The following DIS3L2 variants were observed in gnomAD, a reference collection of about 807,000 sequenced individuals.
The protein encoded by DIS3L2 is DIS3 like 3'-5' exoribonuclease 2.
DIS3L2 carries 34 observed loss-of-function variants against 97.5 expected under a neutral mutation model. That is an observed-to-expected ratio of 0.35 (90% CI 0.27 to 0.46). The LOEUF is 0.46. DIS3L2 is among the 20% of genes least tolerant of loss of function. The pLI is 1.00. For missense variants in DIS3L2, 1,038 were observed against 1,146.0 expected (o/e 0.91, Z 1.36); for synonymous variants, 435 against 445.2 (o/e 0.98, Z 0.29).
chr2:232,313,367 GA>G (rs1384572881), intron 14 of DIS3L2, among the ~76,000 whole-genome samples: 4 of 152,156 alleles, frequency 2.6e-5, no homozygotes, highest in Non-Finnish European at 5.9e-5. Flanking sequence ...AAATGAAAAG[GA>G]ACTAATGTTT....
chr2:232,065,367 TGTCCA>T (rs1695825822), intron 5 of DIS3L2, among the ~76,000 whole-genome samples: 1 of 152,080 alleles, frequency 6.6e-6, no homozygotes, highest in South Asian at 2.1e-4. Context: ...TTTGGTCTAT[TGTCCA>T]TTTCAAGTTA....
chr2:232,141,991 A>C (rs953386442), intron 8 of DIS3L2, among the ~76,000 whole-genome samples: 2 of 152,216 alleles, frequency 1.3e-5, no homozygotes, highest in East Asian at 3.8e-4. Context: ...TCATTGAAGC[A>C]TAGGCTCCAA....
intron 7 of DIS3L2, among the ~76,000 whole-genome samples, chr2:232,132,849 C>T (rs961197814): frequency 4.6e-5 from 7 of 152,124 alleles, no homozygotes; most frequent in East Asian, 1.9e-4. Flanking sequence ...TGTGGGACTG[C>T]GACTCTCGTC....
At chr2:232,065,519 A>G (rs568454502) in intron 5 of DIS3L2, among the ~76,000 whole-genome samples, 1 of 152,196 alleles carries the variant, frequency 6.6e-6, no homozygotes, top group East Asian at 1.9e-4. Context: ...TCAATTTACT[A>G]TATAAATGTG....
chr2:232,282,797 G>C (rs1452022841), intron 13 of DIS3L2, among the ~76,000 whole-genome samples: 1 of 152,212 alleles, frequency 6.6e-6, no homozygotes, highest in African/African-American at 2.4e-5. Context: ...GGCGTCCTGT[G>C]CTAAGCAGAG....
chr2:232,228,371 G>A (rs991999123), intron 10 of DIS3L2, among the ~76,000 whole-genome samples: 6 of 152,160 alleles, frequency 3.9e-5, no homozygotes, highest in Non-Finnish European at 7.4e-5. Flanking sequence ...TTCCACACAC[G>A]CATTCCCTGC....
At chr2:231,981,946 A>G (rs184350843) in intron 1 of DIS3L2, among the ~76,000 whole-genome samples, 1 of 151,634 alleles carries the variant, frequency 6.6e-6, no homozygotes, top group Non-Finnish European at 1.5e-5. Context: ...AGGCATGAGA[A>G]TCGCTTGAAC....
At chr2:232,228,086 C>A (rs112104346) in intron 10 of DIS3L2, among the ~76,000 whole-genome samples, 1 of 152,114 alleles carries the variant, frequency 6.6e-6, no homozygotes, top group Admixed American at 6.5e-5. Flanking sequence ...CCTGCCTCAG[C>A]CTCCTGAGTA....
chr2:232,289,713 C>A (rs938723979), intron 13 of DIS3L2, among the ~76,000 whole-genome samples: 2 of 152,250 alleles, frequency 1.3e-5, no homozygotes, highest in Non-Finnish European at 2.9e-5. Flanking sequence ...CTATCCTAAT[C>A]TGATTCCAGG....
At chr2:232,006,750 C>T (rs1162354752) in intron 1 of DIS3L2, among the ~76,000 whole-genome samples, 1 of 151,980 alleles carries the variant, frequency 6.6e-6, no homozygotes, top group African/African-American at 2.4e-5. Context: ...GTAAGGAAAC[C>T]TGTGAATTGT....
In DIS3L2 at chr2:232,322,824, G is replaced by A. The variant is rs543222647; in HGVS notation, c.1740-6989G>A. ...GAACACCCTTCTTCCTTGAACATCC[G>A]ATTACCCAGAGCCTAATTTTAAAAC... On this transcript the variant is annotated intron_variant, in intron 14 of 20. Transcript: ENST00000325385. 1.4e-4 allele frequency among the ~76,000 whole-genome samples: 22 copies of A among 152,288 alleles called. No homozygotes were observed. In the South Asian group the frequency reaches 3.3e-3, roughly 23 times the overall value.
At chr2:231,965,261 A>G in intron 1 of DIS3L2, among the ~76,000 whole-genome samples, 1 of 152,156 alleles carries the variant, frequency 6.6e-6, no homozygotes, top group East Asian at 1.9e-4. Flanking sequence ...TTTGACTGGT[A>G]TTTCTGAAGT....
chr2:232,172,782 T>G (rs1472693240), intron 9 of DIS3L2: 3 of 533,688 alleles, frequency 5.6e-6, no homozygotes, highest in Admixed American at 1.9e-5. Flanking sequence ...ATCCTAACAC[T>G]TGTTATCTGT....
At chr2:231,986,808 A>G (rs1411998037) in intron 1 of DIS3L2, among the ~76,000 whole-genome samples, 1 of 152,190 alleles carries the variant, frequency 6.6e-6, no homozygotes, top group Non-Finnish European at 1.5e-5. Flanking sequence ...GTCTTTCATT[A>G]ATCTTTTAGC....
chr2:232,252,932 G>C (rs2106268674), intron 12 of DIS3L2, among the ~76,000 whole-genome samples: 1 of 152,234 alleles, frequency 6.6e-6, no homozygotes, highest in Middle Eastern at 3.4e-3. Flanking sequence ...GAGACCTTGT[G>C]TGGATGAAAA....
At chr2:232,044,531 A>T (rs1298791863) in intron 5 of DIS3L2, among the ~76,000 whole-genome samples, 1 of 152,160 alleles carries the variant, frequency 6.6e-6, no homozygotes. Context: ...GGGTAGGATG[A>T]TAAACTTGTT....
At chr2:232,252,253 C>G (rs1693439291) in intron 12 of DIS3L2, among the ~76,000 whole-genome samples, 1 of 152,058 alleles carries the variant, frequency 6.6e-6, no homozygotes, top group Non-Finnish European at 1.5e-5. Context: ...ACTAAAAGTA[C>G]AAAAAATTAG....
chr2:232,077,168 C>T (rs939364646), intron 5 of DIS3L2, among the ~76,000 whole-genome samples: 1 of 152,116 alleles, frequency 6.6e-6, no homozygotes, highest in Non-Finnish European at 1.5e-5. Context: ...ACTGCCCCAC[C>T]ATGGGTCCTG....
At chr2:232,272,252 C>G (rs1273352274) in intron 13 of DIS3L2, among the ~76,000 whole-genome samples, 3 of 152,196 alleles carry the variant, frequency 2.0e-5, no homozygotes, top group Admixed American at 1.3e-4. Flanking sequence ...GGGTTGCTTC[C>G]TGTGTGTTAC....
Sources: gnomAD v4.1 joint callset for allele counts (sites outside exome capture counted in the v4.1 genomes callset) on GRCh38, gnomAD v4.1.1 for gene constraint, MANE v1.5 for transcripts, NCBI Gene and HGNC (gene_info 2026-07-23, HGNC 2026-07-21) for gene names.